Variants in DDRGK1 observed in about 807,000 individuals in gnomAD.
The protein encoded by DDRGK1 is DDRGK domain-containing protein 1.
In DDRGK1, 38 loss-of-function variants were observed where a neutral mutation model predicts 45.8. That is an observed-to-expected ratio of 0.83 (90% confidence interval 0.64 to 1.09). The LOEUF is 1.09. Ranked by LOEUF, DDRGK1 falls within the 50% of genes least tolerant of loss-of-function variation. The pLI, the probability that DDRGK1 is intolerant of heterozygous loss-of-function variation, is 0.00. For synonymous variants in DDRGK1, 171 were observed against 168.7 expected (o/e 1.01, Z -0.11); for missense variants, 403 against 419.9 (o/e 0.96, Z 0.35).
intron 4 of DDRGK1, among the ~76,000 whole-genome samples, chr20:3,199,448 TCAC>T (rs2067026268): frequency 6.6e-6 from 1 of 152,160 alleles, no homozygotes; most frequent in African/African-American, 2.4e-5. Context: ...CAGTCAGAGG[TCAC>T]AGGTCTTCCC....
At chr20:3,191,550 G>A (rs1284531829) in intron 7 of DDRGK1, 2 of 745,256 alleles carry the variant, frequency 2.7e-6, no homozygotes, top group Admixed American at 2.1e-5. Flanking sequence ...GGGGCTGGCA[G>A]AGTGATGGGG....
chr20:3,200,305 G>A (rs369193406), intron 3 of DDRGK1, 37 bp downstream of exon 3: 227 of 1,545,140 alleles, frequency 1.5e-4, no homozygotes, highest in Non-Finnish European at 1.7e-4. Context: ...GTGCCCTTTC[G>A]CACTTCCCAG....
chr20:3,198,700 CA>C (rs151197280), intron 4 of DDRGK1, among the ~76,000 whole-genome samples: 2,937 of 41,578 alleles, frequency 0.071, 35 homozygotes, highest in East Asian at 0.14. Flanking sequence ...AACTCCGTTT[CA>C]AAAAAAAAAA....
chr20:3,195,533 C>T (rs2067006601), intron 4 of DDRGK1, among the ~76,000 whole-genome samples, 180 bp from the exon 5 acceptor site: 1 of 151,972 alleles, frequency 6.6e-6, no homozygotes, highest in Non-Finnish European at 1.5e-5. Flanking sequence ...CGAGGCCCCT[C>T]TTGTCATCGG....
At chr20:3,203,044 C>T (rs1292875663) in intron 2 of DDRGK1, among the ~76,000 whole-genome samples, 169 bp downstream of exon 2, 4 of 151,984 alleles carry the variant, frequency 2.6e-5, no homozygotes, top group Admixed American at 6.6e-5. Flanking sequence ...GGGGGTTGAC[C>T]CAGTGGAACA....
chr20:3,192,708 C>A (rs1316554984), intron 6 of DDRGK1, among the ~76,000 whole-genome samples: 1 of 152,358 alleles, frequency 6.6e-6, no homozygotes, highest in South Asian at 2.1e-4. Flanking sequence ...TCCACACAGG[C>A]ACCTGCCCCC....
chr20:3,191,894 G>A (rs1600470288), intron 6 of DDRGK1, 73 bp from the exon 7 acceptor site: 3 of 1,479,722 alleles, frequency 2.0e-6, no homozygotes, highest in Non-Finnish European at 2.7e-6. Context: ...CACCCTCCAG[G>A]TTTGCATTCT....
chr20:3,199,813 C>A (rs2122238281), intron 4 of DDRGK1, among the ~76,000 whole-genome samples, 188 bp downstream of exon 4: 1 of 152,346 alleles, frequency 6.6e-6, no homozygotes, highest in East Asian at 1.9e-4. Context: ...AATCCCCACT[C>A]CAGGCTCTGC....
intron 6 of DDRGK1, among the ~76,000 whole-genome samples, chr20:3,192,251 T>C (rs1170169221): frequency 3.3e-5 from 5 of 152,018 alleles, no homozygotes; most frequent in Non-Finnish European, 7.4e-5. Context: ...CAAAAGCTAT[T>C]TTAAATAACT....
intron 4 of DDRGK1, among the ~76,000 whole-genome samples, chr20:3,197,516 A>G (rs936815654): frequency 1.3e-5 from 2 of 152,250 alleles, no homozygotes; most frequent in African/African-American, 4.8e-5. Flanking sequence ...GTTGCATTGA[A>G]GATGGAACTT....
At chr20:3,201,478 CAAA>C (rs1191917763) in intron 2 of DDRGK1, among the ~76,000 whole-genome samples, 9 of 69,306 alleles carry the variant, frequency 1.3e-4, no homozygotes, top group East Asian at 3.9e-4. Context: ...GACTCTGTCT[CAAA>C]AAAAAAAAAA....
chr20:3,202,023 A>C (rs566331756), intron 2 of DDRGK1, among the ~76,000 whole-genome samples: 85 of 148,482 alleles, frequency 5.7e-4, no homozygotes, highest in Non-Finnish European at 4.4e-5. Context: ...TCTGTCGCCC[A>C]GGCTGGAGTG....
intron 4 of DDRGK1, among the ~76,000 whole-genome samples, chr20:3,196,511 A>G (rs2067010844): frequency 1.4e-5 from 1 of 73,026 alleles, no homozygotes; most frequent in African/African-American, 5.1e-5. Context: ...CCCTGTCTCC[A>G]CTAAAAATAC....
At chr20:3,192,216 G>T (rs904108740) in intron 6 of DDRGK1, among the ~76,000 whole-genome samples, 7 of 152,106 alleles carry the variant, frequency 4.6e-5, no homozygotes, top group Non-Finnish European at 1.0e-4. Flanking sequence ...CGCACCATAG[G>T]GAGGAAGGAG....
chr20:3,196,676 A>G (rs748901072), intron 4 of DDRGK1, among the ~76,000 whole-genome samples: 3 of 152,098 alleles, frequency 2.0e-5, no homozygotes, highest in Non-Finnish European at 1.5e-5. Context: ...GCGAGACTCC[A>G]TCTCAAAAAC....
In DDRGK1 at chr20:3,191,797, C is replaced by T. The variant is rs748521889; in HGVS notation, c.697G>A (p.Asp233Asn). Residue 233 changes from aspartate (D) to asparagine (N), a missense_variant, in exon 7 of 9, where the codon GAC becomes AAC. Asp to Asn is a conservative substitution (Grantham distance 23). Coordinates refer to ENST00000354488, the MANE Select transcript of DDRGK1 (RefSeq NM_023935.3). Reference sequence around the variant, plus strand: ...CGTAGGCCCACCTGGGAAGCCAGGTCTTCCAAGAGCACAACCTTGGACTGC... The same window carrying T: ...CGTAGGCCCACCTGGGAAGCCAGGTTTTCCAAGAGCACAACCTTGGACTGC... ...IKQSKVVLLE[D>N]LASQVGLRTQ... is the part of the protein sequence containing the mutation. The T allele has an allele frequency of 6.2e-7, 1 of 1,608,432 alleles. No individual in the cohort carries two copies. Among genetic ancestry groups the T allele is most frequent in the Non-Finnish European group, 8.5e-7 (1 of 1,177,462 alleles).
intron 4 of DDRGK1, among the ~76,000 whole-genome samples, chr20:3,199,081 G>C (rs1321988462): frequency 6.6e-6 from 1 of 151,894 alleles, no homozygotes; most frequent in Non-Finnish European, 1.5e-5. Context: ...CTTGAGGCTG[G>C]GAGGCAGAGG....
Position 3,190,386 on chromosome 20 carries a change from T to A in DDRGK1, c.*267A>T, listed in dbSNP as rs1268626004. The A allele has an allele frequency of 2.2e-6, 1 of 448,598 alleles. No homozygotes were observed. The highest frequency in any genetic ancestry group is 3.9e-6 in the Non-Finnish European group (1 of 253,996). The allele number at this position is 448,598 out of a possible 1,614,324, so 27.8% of individuals were successfully genotyped here. ...CAGGCTATTTTCTTGAATGAATGGA[T>A]TCATAATAAGAACAGGACTTCACCA... is the stretch of plus-strand genomic sequence containing the variant. On this transcript the variant is annotated 3_prime_UTR_variant, in exon 9 of 9. Coordinates refer to ENST00000354488, the MANE Select transcript of DDRGK1 (RefSeq NM_023935.3).
intron 2 of DDRGK1, among the ~76,000 whole-genome samples, chr20:3,201,237 T>TCG (rs200592376): frequency 0.054 from 7,696 of 142,870 alleles, 506 homozygotes; most frequent in African/African-American, 0.16. Context: ...TGAGCGGAGA[T>TCG]CGCGCCACTG....
Sources: gnomAD v4.1 joint callset for allele counts (sites outside exome capture counted in the v4.1 genomes callset) on GRCh38, gnomAD v4.1.1 for gene constraint, MANE v1.5 for transcripts, NCBI Gene and HGNC (gene_info 2026-07-23, HGNC 2026-07-21) for gene names.